EFHC2: variants seen among roughly 807,000 people sequenced by gnomAD.
EFHC2 encodes EF-hand domain containing 2.
Under a neutral mutation model 52.7 loss-of-function variants are expected in EFHC2, and 18 were observed. That is an observed-to-expected ratio of 0.34 (90% CI 0.24 to 0.51). The LOEUF (loss-of-function observed/expected upper bound fraction) is 0.51. Ranked by LOEUF, EFHC2 falls within the 20% of genes least tolerant of loss-of-function variation. The pLI, the probability that EFHC2 is intolerant of heterozygous loss-of-function variation, is 0.97. For synonymous variants in EFHC2, 203 were observed against 204.1 expected, an observed-to-expected ratio of 0.99 and a Z score of 0.04; for missense variants, 513 against 562.5, an observed-to-expected ratio of 0.91 and a Z score of 0.89.
intron 1 of EFHC2, among the ~76,000 whole-genome samples, chrX:44,333,346 G>GGGAAGA (rs2038099329): frequency 3.6e-5 from 4 of 111,162 alleles, no homozygotes; most frequent in African/African-American, 6.5e-5. Context: ...GGATCTAGAT[G>GGGAAGA]GGAAGAGGAA....
At chrX:44,334,756 G>A (rs768334857) in intron 1 of EFHC2, among the ~76,000 whole-genome samples, 21 of 112,378 alleles carry the variant, frequency 1.9e-4, no homozygotes, top group African/African-American at 4.8e-4. Flanking sequence ...TTACAGGCAT[G>A]AGCCACCGCA....
intron 11 of EFHC2, among the ~76,000 whole-genome samples, chrX:44,186,692 C>T (rs1054797956): frequency 9.0e-6 from 1 of 111,656 alleles, no homozygotes; most frequent in Non-Finnish European, 1.9e-5. Context: ...GATCACACAA[C>T]GGTTGAATAC....
At position 44,268,647 on chromosome X, in the gene EFHC2, T is replaced by C. The variant is rs750972925; in HGVS notation, c.382+4039A>G. On this transcript the variant is annotated intron_variant, in intron 3 of 14. Transcript: ENST00000420999. ...AGGTGAAAACCTGTAAGAAATTTTT[T>C]CTTTTTGCCACAGCAATACTATTAT... 4.5e-5 allele frequency among the ~76,000 whole-genome samples: 5 copies of C among 111,923 alleles called. No homozygotes were observed. The East Asian group carries it at 1.4e-3, about 32-fold the overall frequency.
rs537862783 is a variant in EFHC2 at position 44,295,219 on chromosome X, A to G, written c.231+17349T>C. On this transcript the variant is annotated intron_variant, in intron 2 of 14. Coordinates refer to ENST00000420999, the MANE Select transcript of EFHC2 (RefSeq NM_025184.4). ...CAGAGAAGAGTAATAAGGGTTTATG[A>G]AAATGCTCCAAAAGGAGAGGGAATT... Among the ~76,000 whole-genome samples the G allele has an allele frequency of 3.1e-4, 35 of 111,839 alleles. 1 individual carries two copies. In the East Asian group the frequency reaches 8.2e-3, roughly 26 times the overall value.
At chrX:44,197,725 G>A (rs1038107021) in intron 11 of EFHC2, among the ~76,000 whole-genome samples, 1 of 112,561 alleles carries the variant, frequency 8.9e-6, no homozygotes, top group African/African-American at 3.2e-5. Flanking sequence ...GTACTATGTG[G>A]CACGCCTTCC....
In EFHC2 at chrX:44,272,796, T is replaced by C; in HGVS notation, c.272A>G (p.Asp91Gly). The C allele has an allele frequency of 2.6e-6, 3 of 1,165,248 alleles. No homozygotes were observed. Among genetic ancestry groups the C allele is most frequent in the Non-Finnish European group, 3.4e-6 (3 of 869,754 alleles). ...TATTCTGTAGTTGGTTTGGCTTTTA[T>C]CAAGTACTTCCTCTTCCAAATAGGC... Reference protein sequence around the residue: ...FDAYLEEEVLDKSQTNYRIRY... With the variant: ...FDAYLEEEVLGKSQTNYRIRY... The change falls in exon 3 of 15, where the codon GAT (aspartate) becomes GGT (glycine). Residue 91 changes from aspartate to glycine, a missense_variant. Physicochemically the swap from Asp to Gly is moderately conservative, Grantham distance 94. Coordinates refer to ENST00000420999, the MANE Select transcript of EFHC2 (RefSeq NM_025184.4).
intron 11 of EFHC2, among the ~76,000 whole-genome samples, chrX:44,202,366 C>T (rs1437791378): frequency 1.8e-5 from 2 of 111,097 alleles, no homozygotes; most frequent in African/African-American, 6.6e-5. Flanking sequence ...GAGCGGAGAT[C>T]GCTCCATTGC....
intron 10 of EFHC2, 100 bp downstream of exon 10, chrX:44,232,381 C>T: frequency 1.6e-6 from 1 of 631,607 alleles, no homozygotes; most frequent in South Asian, 5.7e-5. Context: ...GCACAATGTA[C>T]AACTGGTGGC....
chrX:44,234,091 C>G (rs1158569504), intron 9 of EFHC2, among the ~76,000 whole-genome samples: 1 of 112,011 alleles, frequency 8.9e-6, no homozygotes, highest in Non-Finnish European at 1.9e-5. Flanking sequence ...TTTTCCCTCA[C>G]CAGCATTCCC....
At chrX:44,194,343 G>A (rs963868131) in intron 11 of EFHC2, among the ~76,000 whole-genome samples, 3 of 111,522 alleles carry the variant, frequency 2.7e-5, no homozygotes, top group Admixed American at 9.6e-5. Flanking sequence ...TCATAGACAC[G>A]ATCTAGGCAA....
intron 3 of EFHC2, among the ~76,000 whole-genome samples, chrX:44,263,230 G>A (rs774454161): frequency 8.9e-6 from 1 of 112,289 alleles, no homozygotes; most frequent in African/African-American, 3.2e-5. Flanking sequence ...CTGCATGGAG[G>A]TATTTTAATA....
chrX:44,326,095 T>A (rs913654779), intron 1 of EFHC2, among the ~76,000 whole-genome samples: 14 of 108,828 alleles, frequency 1.3e-4, no homozygotes, highest in African/African-American at 4.7e-4. Flanking sequence ...GATTTCACCA[T>A]GTTGCCCAGA....
chrX:44,274,590 T>C (rs2037641188), intron 2 of EFHC2, among the ~76,000 whole-genome samples: 1 of 112,006 alleles, frequency 8.9e-6, no homozygotes, highest in Admixed American at 9.5e-5. Flanking sequence ...GAGTTTTTGT[T>C]ATGTGAATTA....
At chrX:44,340,591 G>A (rs1179570890) in intron 1 of EFHC2, among the ~76,000 whole-genome samples, 2 of 111,421 alleles carry the variant, frequency 1.8e-5, no homozygotes, top group Non-Finnish European at 3.8e-5. Flanking sequence ...GCCAGAAGGC[G>A]GAGGTTGCAG....
chrX:44,214,039 G>A (rs951306018), intron 11 of EFHC2, among the ~76,000 whole-genome samples: 2 of 112,119 alleles, frequency 1.8e-5, no homozygotes, highest in Non-Finnish European at 3.8e-5. Flanking sequence ...AAAATGCAAA[G>A]AGAGAAAAGA....
chrX:44,154,791 TC>T (rs1247297583), intron 14 of EFHC2, among the ~76,000 whole-genome samples: 2 of 111,673 alleles, frequency 1.8e-5, no homozygotes, highest in African/African-American at 3.3e-5. Context: ...AGTAGCTCCT[TC>T]CCTTTCCTTT....
chrX:44,202,390 C>T (rs369234132), intron 11 of EFHC2, among the ~76,000 whole-genome samples: 3 of 111,103 alleles, frequency 2.7e-5, no homozygotes, highest in African/African-American at 6.6e-5. Context: ...CCAGCCTGGG[C>T]GACAGAGCAA....
In EFHC2 at chrX:44,248,292, T is replaced by A; in HGVS notation, c.1091A>T (p.Tyr364Phe). ...YDCDEFTKSY[Y>F]KSKYGIENFT... ...CTTACCAATTCCATATTTAGACTTA[T>A]AATAAGACTTCGTAAATTCATCACA... The change falls in exon 7 of 15, where the codon TAT (tyrosine) becomes TTT (phenylalanine). Residue 364 changes from tyrosine (Y) to phenylalanine (F), a missense_variant. By Grantham distance (22) the Tyr-to-Phe change is conservative (BLOSUM62 3). Coordinates refer to ENST00000420999, the MANE Select transcript of EFHC2 (RefSeq NM_025184.4). 2 of 1,158,311 alleles carry A rather than the reference T, an allele frequency of 1.7e-6. No individual in the cohort carries two copies. The highest frequency in any genetic ancestry group is 3.3e-5 in the East Asian group (1 of 30,704).
chrX:44,282,062 G>A (rs2037706079), intron 2 of EFHC2, among the ~76,000 whole-genome samples: 1 of 110,214 alleles, frequency 9.1e-6, no homozygotes, highest in South Asian at 3.8e-4. Flanking sequence ...CCCGCACGTA[G>A]TCCAAAGAAA....
Sources: allele counts gnomAD v4.1 joint callset (sites outside exome capture counted in the v4.1 genomes callset), GRCh38; gene constraint gnomAD v4.1.1; transcripts MANE v1.5; gene names NCBI Gene and HGNC (gene_info 2026-07-23, HGNC 2026-07-21).